The following FAF1 variants were observed in gnomAD, a reference collection of about 807,000 sequenced individuals.
FAF1 encodes the protein Fas associated factor 1.
A neutral mutation model predicts 92.5 loss-of-function variants in FAF1; 25 were observed. The observed-to-expected ratio is 0.27, with a 90% CI of 0.20 to 0.38. The LOEUF (loss-of-function observed/expected upper bound fraction) is 0.38, where lower values mean the gene tolerates loss of function less well. Ranked by LOEUF, FAF1 falls within the 10% of genes least tolerant of loss-of-function variation. The probability of loss-of-function intolerance (pLI) is 1.00; values close to 1 mark genes in which losing one functional copy is unlikely to be tolerated. For missense variants in FAF1, 636 were observed against 793.3 expected (o/e 0.80, Z 2.38); for synonymous variants, 234 against 273.2 (o/e 0.86, Z 1.42).
At chr1:50,507,511 C>T (rs930818139) in intron 15 of FAF1, among the ~76,000 whole-genome samples, 3 of 151,946 alleles carry the variant, frequency 2.0e-5, no homozygotes, top group East Asian at 3.9e-4. Context: ...GGGCCAAAGT[C>T]GGAGGATTCC....
chr1:50,907,669 A>T (rs894329808), intron 1 of FAF1, among the ~76,000 whole-genome samples: 1 of 151,850 alleles, frequency 6.6e-6, no homozygotes, highest in Non-Finnish European at 1.5e-5. Flanking sequence ...TTTTTCATAG[A>T]GTTGTTTATA....
Position 50,705,843 on chromosome 1 carries a change from G to A in FAF1, c.600C>T (p.His200=). 2 of 1,613,346 alleles carry A rather than the reference G, an allele frequency of 1.2e-6. No homozygotes were observed. Among genetic ancestry groups the A allele is most frequent in the Non-Finnish European group, 1.7e-6 (2 of 1,179,500 alleles). ...LNQNFMLIIT[H]REVQREYNLN... is the part of the protein sequence containing the mutation. ...GGTTGTACTCCCGCTGGACTTCTCG[G>A]TGGGTGATGATCAGCATGAAGTTTT... The change falls in exon 7 of 19, where the codon CAC becomes CAT. Residue 200 remains histidine, a synonymous_variant. Coordinates refer to ENST00000396153, the MANE Select transcript of FAF1 (RefSeq NM_007051.3).
intron 13 of FAF1, among the ~76,000 whole-genome samples, chr1:50,540,847 C>T (rs1008979077): frequency 6.6e-6 from 1 of 152,064 alleles, no homozygotes; most frequent in Non-Finnish European, 1.5e-5. Context: ...TCACAAAAGG[C>T]AAAACAGTGG....
rs942423316 is a variant in FAF1 at position 50,745,634 on chromosome 1, C to T, written c.368-859G>A. Among the ~76,000 whole-genome samples the T allele has an allele frequency of 7.2e-5, 11 of 152,154 alleles. 1 individual carries two copies. The South Asian group carries it at 2.3e-3, about 32-fold the overall frequency. On this transcript the variant is annotated intron_variant, in intron 4 of 18. Transcript: ENST00000396153. ...CTGCTCTGGCCTGCTCCCACTTTGC[C>T]TTCTGCCATGAGTAAAAGCTCCCTG...
intron 1 of FAF1, among the ~76,000 whole-genome samples, chr1:50,949,401 G>A (rs928474958): frequency 6.6e-6 from 1 of 152,206 alleles, no homozygotes; most frequent in Non-Finnish European, 1.5e-5. Flanking sequence ...TAGCAGCATC[G>A]TTTGCTTCTG....
chr1:50,749,066 A>C (rs568689917), intron 4 of FAF1, among the ~76,000 whole-genome samples: 1 of 152,228 alleles, frequency 6.6e-6, no homozygotes, highest in East Asian at 1.9e-4. Flanking sequence ...ACTTTAATCA[A>C]TCTTGGCCTT....
intron 2 of FAF1, among the ~76,000 whole-genome samples, chr1:50,820,024 T>C (rs1170350456): frequency 2.0e-5 from 3 of 151,790 alleles, no homozygotes; most frequent in East Asian, 3.9e-4. Context: ...ATGTCGTTTG[T>C]ACGTGCACGG....
intron 2 of FAF1, among the ~76,000 whole-genome samples, chr1:50,814,514 A>G (rs1262727914): frequency 6.6e-6 from 1 of 152,214 alleles, no homozygotes; most frequent in Non-Finnish European, 1.5e-5. Context: ...ACATGGCTGT[A>G]TCTCAAAAAC....
At chr1:50,731,940 T>C (rs1658941552) in intron 6 of FAF1, among the ~76,000 whole-genome samples, 1 of 152,156 alleles carries the variant, frequency 6.6e-6, no homozygotes, top group South Asian at 2.1e-4. Flanking sequence ...GTCAATATGA[T>C]AGTGATTCTT....
chr1:50,584,924 A>T, intron 9 of FAF1, 113 bp from the exon 10 acceptor site: 1 of 965,658 alleles, frequency 1.0e-6, no homozygotes, highest in Non-Finnish European at 1.5e-6. Context: ...TTATCAAATA[A>T]ACTCATTTGC....
At chr1:50,601,389 G>T (rs964377961) in intron 8 of FAF1, among the ~76,000 whole-genome samples, 10 of 152,046 alleles carry the variant, frequency 6.6e-5, no homozygotes, top group Admixed American at 6.6e-4. Context: ...ATATGAATTA[G>T]TAGGCTGGGC....
intron 17 of FAF1, among the ~76,000 whole-genome samples, 174 bp downstream of exon 17, chr1:50,490,407 GGAAGGAA>G (rs1646818622): frequency 1.2e-5 from 1 of 84,294 alleles, no homozygotes; most frequent in South Asian, 4.7e-4. Flanking sequence ...AAGGAAGGAA[GGAAGGAA>G]GGAAGGAAGG....
chr1:50,748,395 G>A (rs1659714339), intron 4 of FAF1, among the ~76,000 whole-genome samples: 1 of 151,982 alleles, frequency 6.6e-6, no homozygotes, highest in Non-Finnish European at 1.5e-5. Flanking sequence ...TACTCAGGAG[G>A]CTGAGGCAGG....
At chr1:50,498,831 C>A (rs1432108246) in intron 15 of FAF1, among the ~76,000 whole-genome samples, 1 of 143,448 alleles carries the variant, frequency 7.0e-6, no homozygotes, top group Admixed American at 7.2e-5. Context: ...GCATGGGCGA[C>A]AGAGCGAACC....
intron 4 of FAF1, among the ~76,000 whole-genome samples, chr1:50,760,735 G>A (rs1001482318): frequency 6.6e-6 from 1 of 151,996 alleles, no homozygotes; most frequent in African/African-American, 2.4e-5. Flanking sequence ...AGAGAAAGCT[G>A]GAAAGATCCA....
At chr1:50,705,984 C>T in intron 6 of FAF1, 93 bp from the exon 7 acceptor site, 1 of 681,606 alleles carries the variant, frequency 1.5e-6, no homozygotes, top group Non-Finnish European at 2.6e-6. Flanking sequence ...AGTACCCTAA[C>T]CTCCACACAG....
chr1:50,523,559 T>C (rs1647621724), intron 15 of FAF1, among the ~76,000 whole-genome samples: 1 of 152,234 alleles, frequency 6.6e-6, no homozygotes, highest in Non-Finnish European at 1.5e-5. Flanking sequence ...CATCTGTATA[T>C]CTTTGAAGAA....
At chr1:50,824,633 G>C (rs185290908) in intron 2 of FAF1, among the ~76,000 whole-genome samples, 1 of 152,260 alleles carries the variant, frequency 6.6e-6, no homozygotes, top group African/African-American at 2.4e-5. Context: ...CCAAAGAAGA[G>C]ATAGTTGCAC....
At chr1:50,827,935 A>G (rs1402584220) in intron 2 of FAF1, among the ~76,000 whole-genome samples, 1 of 152,144 alleles carries the variant, frequency 6.6e-6, no homozygotes, top group Non-Finnish European at 1.5e-5. Flanking sequence ...TTCTTCCCAG[A>G]TTCATCTTCA....
Sources: gnomAD v4.1 joint callset for allele counts (sites outside exome capture counted in the v4.1 genomes callset) on GRCh38, gnomAD v4.1.1 for gene constraint, MANE v1.5 for transcripts, NCBI Gene and HGNC (gene_info 2026-07-23, HGNC 2026-07-21) for gene names.